Variants in ALMS1 observed in about 807,000 individuals in gnomAD.
ALMS1 encodes the protein centrosome-associated protein ALMS1.
Under a neutral mutation model 352.2 loss-of-function variants are expected in ALMS1, and 271 were observed. The observed-to-expected ratio is 0.77, with a 90% CI of 0.70 to 0.85. The LOEUF is 0.85. Ranked by LOEUF, ALMS1 falls within the 40% of genes least tolerant of loss-of-function variation. The pLI, the probability that ALMS1 is intolerant of heterozygous loss-of-function variation, is 0.00. For missense variants in ALMS1, 5,445 were observed against 4,870.7 expected (o/e 1.12, Z -3.51); for synonymous variants, 1,865 against 1,761.2 (o/e 1.06, Z -1.48).
chr2:73,455,295 G>T lies in ALMS1; in HGVS notation c.7674G>T (p.Lys2558Asn), dbSNP rs774624054. The change falls in exon 9 of 23, where the codon AAG (lysine) becomes AAT (asparagine). Residue 2558 changes from lysine to asparagine, a missense_variant and splice_region_variant. Coordinates refer to ENST00000613296, the MANE Select transcript of ALMS1 (RefSeq NM_001378454.1). ...ATGGAAGAACAACTGACTTGTCCAA[G>T]GTATAAAAGAAATCTGGAAATGAAG... ...FGHGRTTDLS[K>N]GLQSPRGMGC... 1 of 1,613,916 alleles carries T rather than the reference G, an allele frequency of 6.2e-7. No individual in the cohort carries two copies.
intron 7 of ALMS1, among the ~76,000 whole-genome samples, chr2:73,440,214 C>T (rs565833810): frequency 5.9e-5 from 9 of 152,056 alleles, no homozygotes; most frequent in Admixed American, 2.0e-4. Context: ...AACTCCTGAC[C>T]TCAAGTGATC....
intron 2 of ALMS1, among the ~76,000 whole-genome samples, chr2:73,414,206 T>G (rs1335418445): frequency 6.6e-6 from 1 of 152,106 alleles, no homozygotes; most frequent in East Asian, 1.9e-4. Flanking sequence ...TTCATCAATG[T>G]TTTGCTGTCT....
chr2:73,422,714 A>G (rs1277937459), intron 3 of ALMS1, 143 bp from the exon 4 acceptor site: 3 of 693,918 alleles, frequency 4.3e-6, no homozygotes, highest in East Asian at 2.7e-5. Flanking sequence ...GGTAGCTGCT[A>G]CTGCTGTTGC....
chr2:73,442,657 T>G (rs1671741405), intron 7 of ALMS1, among the ~76,000 whole-genome samples: 1 of 152,194 alleles, frequency 6.6e-6, no homozygotes, highest in South Asian at 2.1e-4. Flanking sequence ...GGTACAGTAC[T>G]GGCTGCCTCA....
chr2:73,497,409 C>T (rs992248693), intron 10 of ALMS1, among the ~76,000 whole-genome samples: 4 of 152,030 alleles, frequency 2.6e-5, no homozygotes, highest in African/African-American at 9.7e-5. Flanking sequence ...GAGTAGTATG[C>T]ACACCATACC....
intron 9 of ALMS1, among the ~76,000 whole-genome samples, chr2:73,484,740 A>G (rs1343572397): frequency 6.6e-6 from 1 of 152,134 alleles, no homozygotes; most frequent in Non-Finnish European, 1.5e-5. Flanking sequence ...TTCTTTTCAC[A>G]TAGTCCCATA....
At chr2:73,500,515 C>T (rs1050979548) in intron 10 of ALMS1, among the ~76,000 whole-genome samples, 4 of 152,092 alleles carry the variant, frequency 2.6e-5, no homozygotes, top group African/African-American at 9.7e-5. Context: ...ACTTTAGGCT[C>T]CTGCCAGCCT....
In ALMS1 at chr2:73,424,392, T is replaced by C. The variant is rs760957247; in HGVS notation, c.765-38T>C. On this transcript the variant is annotated intron_variant, in intron 4 of 22. Transcript: ENST00000613296. ...GTACTTAAAAATTAAATGTTTTTAATGTTATTTATTTATTTATTTTTAACT... is the reference window on the plus strand; with the variant it reads ...GTACTTAAAAATTAAATGTTTTTAACGTTATTTATTTATTTATTTTTAACT... The C allele has an allele frequency of 7.8e-6, 10 of 1,282,736 alleles. No individual in the cohort carries two copies. The East Asian group carries it at 2.6e-4, about 34-fold the overall frequency. The allele number at this position is 1,282,736 out of a possible 1,614,324, so 79.5% of individuals were successfully genotyped here. A position where few individuals can be genotyped will look rare whatever the true frequency, so the allele number is the denominator to read the frequency against.
intron 6 of ALMS1, among the ~76,000 whole-genome samples, chr2:73,427,745 T>C (rs1405756673): frequency 6.6e-6 from 1 of 152,206 alleles, no homozygotes; most frequent in Non-Finnish European, 1.5e-5. Context: ...GGCATTAATG[T>C]TCCTCTGGTC....
chr2:73,515,341 C>T lies in ALMS1; in HGVS notation c.9540-4434C>T, dbSNP rs556078975. On this transcript the variant is annotated intron_variant, in intron 10 of 22. Transcript: ENST00000613296. ...TCTTTTGCTCTCAATATATTAATAACCATTTTGAAGTCTTTTTGTGCTAAC... is the reference window on the plus strand; with the variant it reads ...TCTTTTGCTCTCAATATATTAATAATCATTTTGAAGTCTTTTTGTGCTAAC... Among the ~76,000 whole-genome samples, 12 of 152,076 alleles carry T rather than the reference C, an allele frequency of 7.9e-5. No individual in the cohort carries two copies. In the East Asian group the frequency reaches 1.7e-3, roughly 22 times the overall value.
chr2:73,578,144 CTT>C (rs1675092348), intron 16 of ALMS1, among the ~76,000 whole-genome samples: 1 of 152,094 alleles, frequency 6.6e-6, no homozygotes. Context: ...CTTTTTGTCT[CTT>C]GTAACAATTT....
At chr2:73,508,076 G>A (rs1355246790) in intron 10 of ALMS1, among the ~76,000 whole-genome samples, 1 of 151,914 alleles carries the variant, frequency 6.6e-6, no homozygotes, top group Non-Finnish European at 1.5e-5. Context: ...TTTCCATGTA[G>A]TTGTGCGGTT....
intron 9 of ALMS1, chr2:73,457,215 C>T (rs2072940665): frequency 6.6e-6 from 1 of 152,104 alleles, no homozygotes; most frequent in African/African-American, 2.4e-5. Flanking sequence ...TTTCTTGTAT[C>T]TATATAATAC....
intron 2 of ALMS1, among the ~76,000 whole-genome samples, chr2:73,411,961 G>T (rs1226518028): frequency 6.6e-6 from 1 of 152,014 alleles, no homozygotes; most frequent in African/African-American, 2.4e-5. Flanking sequence ...CTTCCCTTCC[G>T]GCTACTGCTT....
intron 11 of ALMS1, among the ~76,000 whole-genome samples, chr2:73,531,939 C>T (rs1673924618): frequency 6.6e-6 from 1 of 152,234 alleles, no homozygotes; most frequent in African/African-American, 2.4e-5. Context: ...AATCACCTCC[C>T]ACCAGGTCTC....
chr2:73,601,654 G>C (rs1675692127), intron 19 of ALMS1, among the ~76,000 whole-genome samples: 1 of 152,224 alleles, frequency 6.6e-6, no homozygotes, highest in Non-Finnish European at 1.5e-5. Context: ...ATCACCGTCG[G>C]GATCTGGGGA....
Position 73,424,886 on chromosome 2 carries a change from A to C in ALMS1, c.1221A>C (p.Ala407=). ...YWTQEDSSKQ[A]ETYLTKGLQG... Reference sequence around the variant, plus strand: ...CACAGGAAGATTCATCTAAGCAGGCAGAAACATATTTAACCAGTAAGTACC... The same window carrying C: ...CACAGGAAGATTCATCTAAGCAGGCCGAAACATATTTAACCAGTAAGTACC... The change falls in exon 5 of 23, where the codon GCA becomes GCC. Residue 407 remains alanine, a synonymous_variant. Transcript: ENST00000613296. 6.2e-7 allele frequency: 1 copy of C among 1,602,460 alleles called. No individual in the cohort carries two copies. Among genetic ancestry groups the C allele is most frequent in the South Asian group, 1.1e-5 (1 of 89,102 alleles).
At chr2:73,433,338 G>A (rs1425532305) in intron 7 of ALMS1, among the ~76,000 whole-genome samples, 2 of 147,930 alleles carry the variant, frequency 1.4e-5, no homozygotes, top group Non-Finnish European at 1.5e-5. Context: ...AGAGAGAAGA[G>A]TTGATCACCT....
chr2:73,475,331 A>G (rs1225277367), intron 9 of ALMS1, among the ~76,000 whole-genome samples: 2 of 152,056 alleles, frequency 1.3e-5, no homozygotes, highest in East Asian at 1.9e-4. Context: ...TAGCTGCACT[A>G]TTTACATTCC....
Sources: gnomAD v4.1 joint callset for allele counts (sites outside exome capture counted in the v4.1 genomes callset) on GRCh38, gnomAD v4.1.1 for gene constraint, MANE v1.5 for transcripts, NCBI Gene and HGNC (gene_info 2026-07-23, HGNC 2026-07-21) for gene names.